OTUD7A: variants seen among roughly 807,000 people sequenced by gnomAD.
OTUD7A encodes OTU deubiquitinase 7A.
Under a neutral mutation model 65.7 loss-of-function variants are expected in OTUD7A, and 12 were observed. The ratio of observed to expected loss-of-function variants is 0.18; its 90% CI spans 0.12 to 0.30. The LOEUF (loss-of-function observed/expected upper bound fraction) is 0.30, where lower values mean the gene tolerates loss of function less well. Ranked by LOEUF, OTUD7A falls within the 10% of genes least tolerant of loss-of-function variation. The pLI, the probability that OTUD7A is intolerant of heterozygous loss-of-function variation, is 1.00. For missense variants in OTUD7A, 1,148 were observed against 1,304.8 expected (o/e 0.88, Z 1.85); for synonymous variants, 641 against 586.3 (o/e 1.09, Z -1.35).
chr15:31,489,426 C>T (rs1412589772), intron 10 of OTUD7A, among the ~76,000 whole-genome samples: 1 of 152,166 alleles, frequency 6.6e-6, no homozygotes, highest in African/African-American at 2.4e-5. Flanking sequence ...TCTGGCTGTC[C>T]ACCCGCTTCC....
chr15:31,857,692 C>T (rs758470779), intron 1 of OTUD7A, among the ~76,000 whole-genome samples: 4 of 152,230 alleles, frequency 2.6e-5, no homozygotes, highest in Non-Finnish European at 4.4e-5. Flanking sequence ...CTGCCCCCCA[C>T]GTCCTTCAAC....
At chr15:31,688,109 G>C (rs1023561044) in intron 1 of OTUD7A, among the ~76,000 whole-genome samples, 32 of 152,150 alleles carry the variant, frequency 2.1e-4, no homozygotes, top group Non-Finnish European at 2.9e-5. Context: ...CCAGCTACTC[G>C]GGAGGCTGAG....
chr15:31,825,723 C>T (rs1448592405), intron 1 of OTUD7A, among the ~76,000 whole-genome samples: 1 of 152,210 alleles, frequency 6.6e-6, no homozygotes, highest in Non-Finnish European at 1.5e-5. Flanking sequence ...TCCCTTCCAC[C>T]TATTAGCCTG....
At chr15:31,510,027 G>A (rs1050764788) in intron 8 of OTUD7A, among the ~76,000 whole-genome samples, 2 of 146,614 alleles carry the variant, frequency 1.4e-5, no homozygotes, top group African/African-American at 5.0e-5. Context: ...TTGCGGCGCA[G>A]GCTGGGCAAG....
intron 1 of OTUD7A, chr15:31,767,784 A>C (rs1422867729): frequency 1.4e-6 from 1 of 723,422 alleles, no homozygotes; most frequent in East Asian, 2.6e-5. Flanking sequence ...CTACGAGATA[A>C]GTTTTGTAAT....
At chr15:31,841,409 A>C (rs1197568251) in intron 1 of OTUD7A, among the ~76,000 whole-genome samples, 1 of 152,174 alleles carries the variant, frequency 6.6e-6, no homozygotes, top group African/African-American at 2.4e-5. Flanking sequence ...ACGATGCAGG[A>C]CACAAGGAAG....
chr15:31,860,898 T>G (rs2141016543), intron 1 of OTUD7A, among the ~76,000 whole-genome samples: 1 of 146,912 alleles, frequency 6.8e-6, no homozygotes, highest in South Asian at 2.2e-4. Context: ...TTTTTGTATT[T>G]TTAGTAGAGA....
intron 1 of OTUD7A, among the ~76,000 whole-genome samples, chr15:31,850,682 T>C (rs889104271): frequency 1.3e-5 from 2 of 152,242 alleles, no homozygotes; most frequent in East Asian, 1.9e-4. Flanking sequence ...TTTTACAACC[T>C]TGCTGCAGGC....
At chr15:31,796,053 A>G (rs1895944076) in intron 1 of OTUD7A, among the ~76,000 whole-genome samples, 1 of 152,168 alleles carries the variant, frequency 6.6e-6, no homozygotes, top group African/African-American at 2.4e-5. Flanking sequence ...AGAAGCAGAG[A>G]GTCACAGCAG....
intron 1 of OTUD7A, among the ~76,000 whole-genome samples, chr15:31,720,632 C>T (rs930676265): frequency 6.6e-6 from 1 of 152,214 alleles, no homozygotes; most frequent in South Asian, 2.1e-4. Context: ...AATCTCCTGA[C>T]CTCCTGATCT....
At chr15:31,714,546 T>C (rs1893533819) in intron 1 of OTUD7A, among the ~76,000 whole-genome samples, 1 of 152,240 alleles carries the variant, frequency 6.6e-6, no homozygotes, top group South Asian at 2.1e-4. Context: ...CATGAAGTTG[T>C]ACATTTGATG....
chr15:31,726,340 C>T (rs1218235161), intron 1 of OTUD7A, among the ~76,000 whole-genome samples: 4 of 35,378 alleles, frequency 1.1e-4, no homozygotes, highest in African/African-American at 2.6e-4. Context: ...TACACACACA[C>T]ACACACGCAC....
chr15:31,776,012 G>T (rs942968446), intron 1 of OTUD7A, among the ~76,000 whole-genome samples: 1 of 152,184 alleles, frequency 6.6e-6, no homozygotes, highest in African/African-American at 2.4e-5. Flanking sequence ...CATTTCCAGG[G>T]AAAGACACAC....
At chr15:31,507,630 TGGCTGGGGGGCG>T (rs2041599937) in intron 8 of OTUD7A, among the ~76,000 whole-genome samples, 1 of 64,978 alleles carries the variant, frequency 1.5e-5, no homozygotes, top group African/African-American at 9.6e-5. Context: ...CTGCCGCTGC[TGGCTGGGGGGCG>T]GGGGTGGCAA....
In OTUD7A at chr15:31,843,347, A is replaced by C. The variant is rs1381982715; in HGVS notation, c.-100+27160T>G. Among the ~76,000 whole-genome samples, 5 of 152,084 alleles carry C rather than the reference A, an allele frequency of 3.3e-5. No individual in the cohort carries two copies. The East Asian group carries it at 9.6e-4, about 29-fold the overall frequency. On this transcript the variant is annotated intron_variant, in intron 1 of 12. Coordinates refer to ENST00000307050, the MANE Select transcript of OTUD7A (RefSeq NM_001382637.1). ...TTTTTTCTCCAAAAAAAAAAAAAAA[A>C]AACCCCAACCATTAAGCCTTAACAC...
intron 1 of OTUD7A, among the ~76,000 whole-genome samples, chr15:31,851,814 T>G (rs1457816100): frequency 6.6e-6 from 1 of 152,194 alleles, no homozygotes; most frequent in Non-Finnish European, 1.5e-5. Flanking sequence ...AGAAAAGTAT[T>G]TAGATACTTC....
chr15:31,550,204 G>A (rs1488868656), intron 5 of OTUD7A, among the ~76,000 whole-genome samples: 1 of 151,910 alleles, frequency 6.6e-6, no homozygotes, highest in African/African-American at 2.4e-5. Context: ...CCGAGAACAG[G>A]ATGTATTTCA....
intron 1 of OTUD7A, among the ~76,000 whole-genome samples, chr15:31,770,711 AC>A (rs1595757678): frequency 6.6e-6 from 1 of 152,220 alleles, no homozygotes; most frequent in African/African-American, 2.4e-5. Context: ...ATACACCATG[AC>A]CAATTTGAAT....
intron 3 of OTUD7A, among the ~76,000 whole-genome samples, chr15:31,605,880 G>A (rs1264881452): frequency 6.6e-6 from 1 of 152,164 alleles, no homozygotes; most frequent in South Asian, 2.1e-4. Context: ...CCGTGGACAG[G>A]GAGTGACAAA....
Sources: gnomAD v4.1 joint callset for allele counts (sites outside exome capture counted in the v4.1 genomes callset) on GRCh38, gnomAD v4.1.1 for gene constraint, MANE v1.5 for transcripts, NCBI Gene and HGNC (gene_info 2026-07-23, HGNC 2026-07-21) for gene names.